The following TMIE variants were observed in gnomAD, a reference collection of about 807,000 sequenced individuals.
The protein encoded by TMIE is transmembrane inner ear expressed protein.
TMIE carries 14 observed loss-of-function variants against 16.8 expected under a neutral mutation model. The observed-to-expected ratio is 0.83, with a 90% CI of 0.55 to 1.30. TMIE has a LOEUF of 1.30. Among genes scored for constraint, TMIE ranks in the 50% most tolerant of loss-of-function variants. The probability of loss-of-function intolerance (pLI) is 0.00; values close to 1 mark genes in which losing one functional copy is unlikely to be tolerated. For synonymous variants in TMIE, 75 were observed against 87.2 expected (o/e 0.86, Z 0.78); for missense variants, 204 against 205.9 (o/e 0.99, Z 0.06).
At chr3:46,702,186 C>A (rs1700485872) in intron 1 of TMIE, among the ~76,000 whole-genome samples, 1 of 151,934 alleles carries the variant, frequency 6.6e-6, no homozygotes, top group Non-Finnish European at 1.5e-5. Context: ...GCAGGCAGGG[C>A]AGGACCTAGG....
Position 46,709,860 on chromosome 3 carries a change from T to C in TMIE, c.*172T>C. 7.4e-7 allele frequency: 1 copy of C among 1,356,416 alleles called. No homozygotes were observed. 84.0% of individuals were successfully genotyped at this position (1,356,416 alleles called of 1,614,324 possible). On this transcript the variant is annotated 3_prime_UTR_variant, in exon 4 of 4. Coordinates refer to ENST00000643606, the MANE Select transcript of TMIE (RefSeq NM_147196.3). ...CATCAGGGGCAGGAACCAGACAATC[T>C]CGTAGGTGTCCTGCCCCCCAGCCTA...
At chr3:46,697,988 A>C (rs1700425153), upstream of TMIE, among the ~76,000 whole-genome samples, 1 of 152,086 alleles carries the variant, frequency 6.6e-6, no homozygotes, top group Non-Finnish European at 1.5e-5. Context: ...GGAGAATTGG[A>C]AGCAATGGAA....
intron 1 of TMIE, among the ~76,000 whole-genome samples, chr3:46,705,179 T>G (rs1700535490): frequency 6.6e-6 from 1 of 152,180 alleles, no homozygotes; most frequent in Admixed American, 6.5e-5. Flanking sequence ...ACTTCTGCCT[T>G]TTGGCCTCCA....
chr3:46,705,076 G>A (rs777181257), intron 1 of TMIE, among the ~76,000 whole-genome samples: 8 of 151,918 alleles, frequency 5.3e-5, no homozygotes, highest in Non-Finnish European at 1.0e-4. Flanking sequence ...CCCTGGGGCA[G>A]TGTCCTATCC....
At chr3:46,694,908 C>A (rs1156964983) in intron 1 of TMIE, among the ~76,000 whole-genome samples, 1 of 152,174 alleles carries the variant, frequency 6.6e-6, no homozygotes, top group Non-Finnish European at 1.5e-5. Flanking sequence ...TTTTCTTGCC[C>A]CCTTCTGCAC....
At chr3:46,705,655 T>G (rs1175486552) in intron 1 of TMIE, 135 bp from the exon 2 acceptor site, 2 of 760,582 alleles carry the variant, frequency 2.6e-6, no homozygotes, top group African/African-American at 3.4e-5. Context: ...GTGTTGGTAG[T>G]GCATGCTTAA....
At chr3:46,700,317 C>T (rs74909579), upstream of TMIE, among the ~76,000 whole-genome samples, 1,672 of 152,318 alleles carry the variant, frequency 0.011, 14 homozygotes, top group Non-Finnish European at 0.018. Context: ...GCCCTCCGCT[C>T]CCTGCTGCAG....
intron 2 of TMIE, 37 bp from the exon 3 acceptor site, chr3:46,709,089 C>G: frequency 6.2e-7 from 1 of 1,613,298 alleles, no homozygotes; most frequent in Non-Finnish European, 8.5e-7. Context: ...GTCTCTGAAC[C>G]CCAGCCCCAG....
intron 2 of TMIE, among the ~76,000 whole-genome samples, chr3:46,706,932 C>T (rs1423622120): frequency 6.6e-6 from 1 of 152,184 alleles, no homozygotes; most frequent in Non-Finnish European, 1.5e-5. Context: ...CACAGAGAGC[C>T]CACCCAGATG....
intron 2 of TMIE, among the ~76,000 whole-genome samples, chr3:46,707,662 C>T (rs1345268528): frequency 6.6e-6 from 1 of 152,238 alleles, no homozygotes; most frequent in Non-Finnish European, 1.5e-5. Flanking sequence ...CTCTTTGCAT[C>T]TCCCCTTCTT....
In TMIE at chr3:46,709,622, C is replaced by G; in HGVS notation, c.405C>G (p.Asp135Glu). 1 of 1,613,478 alleles carries G rather than the reference C, an allele frequency of 6.2e-7. No homozygotes were observed. Among genetic ancestry groups the G allele is most frequent in the Non-Finnish European group, 8.5e-7 (1 of 1,179,746 alleles). ...AGAAGAAGAAGAAGGACAGTGTGGA[C>G]ACAGTGGCCATCAAAGTAGAGGAGG... ...KKKKKKKDSV[D>E]TVAIKVEEDE... Residue 135 changes from aspartate (D) to glutamate (E), a missense_variant, in exon 4 of 4, where the codon GAC becomes GAG. Asp to Glu is a conservative substitution (Grantham distance 45). Coordinates refer to ENST00000643606, the MANE Select transcript of TMIE (RefSeq NM_147196.3).
At chr3:46,702,602 A>G (rs2106777043) in intron 1 of TMIE, among the ~76,000 whole-genome samples, 1 of 152,180 alleles carries the variant, frequency 6.6e-6, no homozygotes, top group East Asian at 1.9e-4. Context: ...GAAAACAGAA[A>G]TGCAAGAGGC....
At chr3:46,705,150 T>A (rs1436267645) in intron 1 of TMIE, among the ~76,000 whole-genome samples, 1 of 152,200 alleles carries the variant, frequency 6.6e-6, no homozygotes, top group Non-Finnish European at 1.5e-5. Flanking sequence ...TGTGCTCTAT[T>A]CAGGCTTGCT....
At chr3:46,706,962 C>A (rs1235078165) in intron 2 of TMIE, among the ~76,000 whole-genome samples, 1 of 152,230 alleles carries the variant, frequency 6.6e-6, no homozygotes, top group Non-Finnish European at 1.5e-5. Flanking sequence ...CCAAGGAAGA[C>A]GTGACATCTG....
At chr3:46,706,275 G>A (rs1700551711) in intron 2 of TMIE, among the ~76,000 whole-genome samples, 1 of 152,222 alleles carries the variant, frequency 6.6e-6, no homozygotes, top group Admixed American at 6.5e-5. Context: ...GCCCCAGCAA[G>A]GCCATCCTCC....
chr3:46,706,712 G>A (rs932276852), intron 2 of TMIE, among the ~76,000 whole-genome samples: 1 of 152,100 alleles, frequency 6.6e-6, no homozygotes, highest in African/African-American at 2.4e-5. Flanking sequence ...CCGGTGGGAG[G>A]GTAGGTGGGG....
intron 1 of TMIE, among the ~76,000 whole-genome samples, chr3:46,704,397 T>A (rs902997586): frequency 6.9e-5 from 10 of 144,222 alleles, no homozygotes; most frequent in Non-Finnish European, 1.4e-4. Flanking sequence ...GTGGACTATG[T>A]CCCCTAGAGA....
At chr3:46,703,680 C>G (rs962942329) in intron 1 of TMIE, among the ~76,000 whole-genome samples, 1 of 152,190 alleles carries the variant, frequency 6.6e-6, no homozygotes, top group Non-Finnish European at 1.5e-5. Flanking sequence ...AATCAGGTAC[C>G]AATCCCAGCC....
rs1027402428 is a variant in TMIE at position 46,707,331 on chromosome 3, G to A, written c.211+1424G>A. 5.3e-5 allele frequency among the ~76,000 whole-genome samples: 8 copies of A among 152,198 alleles called. No individual in the cohort carries two copies. The East Asian group carries it at 5.8e-4, about 11-fold the overall frequency. ...AAAATTGCAGTGTCAGACCCCAAGCGGCACTTGGACATCAACCACACAGAC... is the reference window on the plus strand; with the variant it reads ...AAAATTGCAGTGTCAGACCCCAAGCAGCACTTGGACATCAACCACACAGAC... On this transcript the variant is annotated intron_variant, in intron 2 of 3. Coordinates refer to ENST00000643606, the MANE Select transcript of TMIE (RefSeq NM_147196.3).
Sources: allele counts gnomAD v4.1 joint callset (sites outside exome capture counted in the v4.1 genomes callset), GRCh38; gene constraint gnomAD v4.1.1; transcripts MANE v1.5; gene names NCBI Gene and HGNC (gene_info 2026-07-23, HGNC 2026-07-21).